The following CELF2 variants were observed in gnomAD, a reference collection of about 807,000 sequenced individuals.
CELF2 encodes the protein CUG triplet repeat RNA-binding protein 2.
In CELF2, 8 loss-of-function variants were observed where a neutral mutation model predicts 62.6. That is an observed-to-expected ratio of 0.13 (90% confidence interval 0.07 to 0.23). The LOEUF is 0.23. Among genes scored for constraint, CELF2 ranks in the 10% least tolerant of loss-of-function variants. The pLI is 1.00. For missense variants in CELF2, 333 were observed against 671.0 expected (o/e 0.50, Z 5.56); for synonymous variants, 258 against 250.0 (o/e 1.03, Z -0.30).
intron 1 of CELF2, among the ~76,000 whole-genome samples, chr10:10,854,663 G>A (rs560008269): frequency 6.6e-6 from 1 of 152,058 alleles, no homozygotes. Context: ...TGCCTCTCCA[G>A]TGCACAGCAA....
chr10:10,926,024 A>G (rs1333916767), intron 2 of CELF2, among the ~76,000 whole-genome samples: 1 of 152,026 alleles, frequency 6.6e-6, no homozygotes, highest in Non-Finnish European at 1.5e-5. Flanking sequence ...TTTCCCTTAC[A>G]ATGTCCTTCT....
At chr10:11,058,667 C>T (rs1341007675) in intron 1 of CELF2, among the ~76,000 whole-genome samples, 4 of 151,878 alleles carry the variant, frequency 2.6e-5, no homozygotes, top group Non-Finnish European at 4.4e-5. Context: ...GGGGTTTCAC[C>T]GTGTTGGCCA....
chr10:10,696,948 T>C, the CELF2 span, among the ~76,000 whole-genome samples: 1 of 152,212 alleles, frequency 6.6e-6, no homozygotes, highest in South Asian at 2.1e-4. Context: ...GTCTTCTGCG[T>C]CGCTCACGCT....
chr10:11,134,582 G>A (rs2060131554), intron 1 of CELF2, among the ~76,000 whole-genome samples: 1 of 152,238 alleles, frequency 6.6e-6, no homozygotes, highest in Admixed American at 6.5e-5. Context: ...TACCAGGGCT[G>A]TTCTGTGGAG....
chr10:10,574,227 G>A, the CELF2 span, among the ~76,000 whole-genome samples: 3 of 152,166 alleles, frequency 2.0e-5, no homozygotes, highest in Non-Finnish European at 4.4e-5. Flanking sequence ...CACAGGCACT[G>A]CAGACCAATA....
In CELF2 at chr10:11,318,957, C is replaced by G; in HGVS notation, c.1097-2232C>G. 1 of 471,156 alleles carries G rather than the reference C, an allele frequency of 2.1e-6. No individual in the cohort carries two copies. The highest frequency in any genetic ancestry group is 1.5e-5 in the South Asian group (1 of 64,564). 29.2% of individuals were successfully genotyped at this position (471,156 alleles called of 1,614,324 possible). On this transcript the variant is annotated intron_variant, in intron 10 of 12. Coordinates refer to ENST00000633077, the MANE Select transcript of CELF2 (RefSeq NM_001326342.2). This position sits in a 1 kb window ranked among gnomAD's most constrained non-coding sequence, Gnocchi z 5.4. Reference sequence around the variant, plus strand: ...AGGCATCATGGTGGTGCGATGCTGCCCACCCCTCCATGGGAACTTGGAGGC... The same window carrying G: ...AGGCATCATGGTGGTGCGATGCTGCGCACCCCTCCATGGGAACTTGGAGGC...
At chr10:10,861,573 G>A (rs2060048649) in intron 1 of CELF2, among the ~76,000 whole-genome samples, 1 of 152,092 alleles carries the variant, frequency 6.6e-6, no homozygotes. Context: ...AGGGGCTTTA[G>A]GTAAATCCAC....
chr10:11,292,937 T>C lies in CELF2; in HGVS notation c.976+4385T>C, dbSNP rs1034284253. 2.6e-5 allele frequency among the ~76,000 whole-genome samples: 4 copies of C among 152,196 alleles called. No individual in the cohort carries two copies. In the East Asian group the frequency reaches 7.7e-4, roughly 29 times the overall value. ...CTGGAAGAGACCCTTGTCTTCTCTCTCCTTGTACTACTGGAACAGCCTCCA... is the reference window on the plus strand; with the variant it reads ...CTGGAAGAGACCCTTGTCTTCTCTCCCCTTGTACTACTGGAACAGCCTCCA... On this transcript the variant is annotated intron_variant, in intron 9 of 12. Transcript: ENST00000633077.
chr10:11,079,032 G>A (rs966469654), intron 1 of CELF2, among the ~76,000 whole-genome samples: 7 of 152,028 alleles, frequency 4.6e-5, no homozygotes, highest in Admixed American at 3.9e-4. Flanking sequence ...GGGGTGTGAC[G>A]GGGTGCATCT....
chr10:10,796,916 CTT>C (rs2054171065), upstream of CELF2: 2 of 984,414 alleles, frequency 2.0e-6, no homozygotes, highest in Non-Finnish European at 2.4e-6. Flanking sequence ...ATGAAATTCT[CTT>C]TTAATTTTAG....
chr10:10,567,137 A>G, the CELF2 span, among the ~76,000 whole-genome samples: 2 of 152,248 alleles, frequency 1.3e-5, no homozygotes, highest in Non-Finnish European at 2.9e-5. Flanking sequence ...CTTCTAAATA[A>G]TAGATACAAA....
intron 1 of CELF2, among the ~76,000 whole-genome samples, chr10:11,109,434 C>G (rs1333963367): frequency 6.6e-6 from 1 of 152,198 alleles, no homozygotes; most frequent in Non-Finnish European, 1.5e-5. Context: ...GGTGAATGGA[C>G]TTGAGTTTCT....
the CELF2 span, among the ~76,000 whole-genome samples, chr10:10,778,650 T>C: frequency 1.1e-3 from 172 of 152,356 alleles, no homozygotes; most frequent in Non-Finnish European, 2.0e-3. Context: ...CTCATGGTGA[T>C]ATACCTTTTG....
intron 1 of CELF2, among the ~76,000 whole-genome samples, chr10:10,895,907 G>A (rs544413822): frequency 1.3e-5 from 2 of 152,230 alleles, no homozygotes; most frequent in South Asian, 2.1e-4. Flanking sequence ...TCCAGGCCAT[G>A]GCTTGAGGTA....
intron 1 of CELF2, among the ~76,000 whole-genome samples, chr10:10,806,620 G>A (rs1371613939): frequency 6.6e-6 from 1 of 152,192 alleles, no homozygotes; most frequent in Non-Finnish European, 1.5e-5. Context: ...TCTGGCTTCA[G>A]TGTGCAGGAC....
chr10:10,897,029 G>A (rs1388456100), intron 1 of CELF2, among the ~76,000 whole-genome samples: 1 of 152,120 alleles, frequency 6.6e-6, no homozygotes, highest in Non-Finnish European at 1.5e-5. Flanking sequence ...TGGGTAATGG[G>A]TAAAGGCTGG....
the CELF2 span, among the ~76,000 whole-genome samples, chr10:10,580,788 T>C: frequency 6.6e-6 from 1 of 152,192 alleles, no homozygotes; most frequent in Non-Finnish European, 1.5e-5. Flanking sequence ...GGAATCAAAG[T>C]GGCTTAACAA....
chr10:11,296,216 T>C lies in CELF2; in HGVS notation c.976+7664T>C, dbSNP rs1466156260. Among the ~76,000 whole-genome samples the C allele has an allele frequency of 3.9e-5, 6 of 152,164 alleles. No homozygotes were observed. The highest frequency in any genetic ancestry group is 1.4e-4 in the African/African-American group (6 of 41,442). On this transcript the variant is annotated intron_variant, in intron 9 of 12. Transcript: ENST00000633077. This position sits in a 1 kb window ranked among gnomAD's most constrained non-coding sequence, Gnocchi z 5.0. ...GTGGGCTTTTTAACATGTGCAGACA[T>C]TGACTCTAATTCTTCACGTATTTGC...
the CELF2 span, among the ~76,000 whole-genome samples, chr10:10,593,270 G>C: frequency 6.6e-6 from 1 of 152,216 alleles, no homozygotes; most frequent in African/African-American, 2.4e-5. Context: ...GTGATTTGGG[G>C]TATCTTTTTG....
Sources: allele counts gnomAD v4.1 joint callset (sites outside exome capture counted in the v4.1 genomes callset), GRCh38; gene constraint gnomAD v4.1.1; non-coding constraint Gnocchi (gnomAD v3.1); transcripts MANE v1.5; gene names NCBI Gene and HGNC (gene_info 2026-07-23, HGNC 2026-07-21).